Variants in UNC13C observed in about 807,000 individuals in gnomAD.
UNC13C encodes the protein unc-13 homolog C, also known as protein unc-13 homolog C.
In UNC13C, 174 loss-of-function variants were observed where a neutral mutation model predicts 245.4. The ratio of observed to expected loss-of-function variants is 0.71; its 90% CI spans 0.63 to 0.80. UNC13C has a LOEUF of 0.80. UNC13C is among the 30% of genes least tolerant of loss of function. The pLI, the probability that UNC13C is intolerant of heterozygous loss-of-function variation, is 0.00. For missense variants in UNC13C, 2,829 were observed against 2,602.9 expected (o/e 1.09, Z -1.89); for synonymous variants, 992 against 895.1 (o/e 1.11, Z -1.93).
chr15:54,047,694 T>C (rs1490126874), intron 2 of UNC13C, among the ~76,000 whole-genome samples: 11 of 152,336 alleles, frequency 7.2e-5, no homozygotes, highest in African/African-American at 2.6e-4. Flanking sequence ...CAAGTAATGC[T>C]GCTGTGAACT....
At chr15:54,461,645 G>A (rs954288861) in intron 19 of UNC13C, among the ~76,000 whole-genome samples, 3 of 152,104 alleles carry the variant, frequency 2.0e-5, no homozygotes, top group Non-Finnish European at 2.9e-5. Flanking sequence ...AGAAGAGAAA[G>A]TACACAATTG....
chr15:54,256,816 TATTA>T (rs2036290891), intron 8 of UNC13C, among the ~76,000 whole-genome samples: 1 of 152,194 alleles, frequency 6.6e-6, no homozygotes, highest in South Asian at 2.1e-4. Context: ...CAACCACTCA[TATTA>T]ATTAGGAAAG....
intron 32 of UNC13C, 54 bp from the exon 33 acceptor site, chr15:54,626,774 A>T: frequency 6.8e-7 from 1 of 1,480,326 alleles, no homozygotes; most frequent in Non-Finnish European, 9.2e-7. Context: ...AACCATAATG[A>T]TGCCTAGTGG....
intron 19 of UNC13C, among the ~76,000 whole-genome samples, chr15:54,473,214 T>G (rs1435779646): frequency 7.5e-6 from 1 of 133,290 alleles, no homozygotes; most frequent in Non-Finnish European, 1.7e-5. Context: ...ATTTATTTTA[T>G]TTTATTTTAT....
intron 22 of UNC13C, among the ~76,000 whole-genome samples, chr15:54,502,592 T>C (rs1319509018): frequency 6.6e-6 from 1 of 152,064 alleles, no homozygotes. Context: ...TGAGCAGCTG[T>C]GTTTGGGTGA....
At chr15:54,571,141 T>C (rs1046845648) in intron 30 of UNC13C, among the ~76,000 whole-genome samples, 7 of 152,186 alleles carry the variant, frequency 4.6e-5, no homozygotes, top group Non-Finnish European at 1.0e-4. Flanking sequence ...GTTTCCAGTG[T>C]ATATTAGTCC....
chr15:54,204,270 TC>T (rs1458014775), intron 4 of UNC13C, among the ~76,000 whole-genome samples: 2 of 131,578 alleles, frequency 1.5e-5, no homozygotes, highest in African/African-American at 5.6e-5. Flanking sequence ...CACCACTTGT[TC>T]CCAAAAACCT....
chr15:54,203,723 TATATACAC>T (rs1567094706), intron 4 of UNC13C, among the ~76,000 whole-genome samples: 2 of 140,342 alleles, frequency 1.4e-5, no homozygotes, highest in East Asian at 4.3e-4. Context: ...TATACACACA[TATATACAC>T]ATATACATAT....
chr15:54,218,195 C>A (rs76798734), intron 4 of UNC13C, among the ~76,000 whole-genome samples: 1,622 of 152,048 alleles, frequency 0.011, 27 homozygotes, highest in African/African-American at 0.037. Flanking sequence ...GGACATCCTC[C>A]TGTCAGTAAC....
intron 10 of UNC13C, among the ~76,000 whole-genome samples, chr15:54,270,150 A>G (rs767284158): frequency 3.9e-5 from 6 of 152,140 alleles, no homozygotes; most frequent in Non-Finnish European, 7.4e-5. Flanking sequence ...GCATGTTTTC[A>G]TTTATCATAA....
chr15:54,596,349 G>A (rs1050098783), intron 30 of UNC13C, among the ~76,000 whole-genome samples: 1 of 152,032 alleles, frequency 6.6e-6, no homozygotes, highest in Non-Finnish European at 1.5e-5. Context: ...CGCAAGGAAG[G>A]TGACTATGGA....
rs150536176 is a variant in UNC13C at position 54,198,629 on chromosome 15, C to T, written c.3072-36401C>T. Reference sequence around the variant, plus strand: ...AACAAAAACAATCACTATAGTTTGGCTCTCAGGAAGCCCCTCTCCTAGGGG... The same window carrying T: ...AACAAAAACAATCACTATAGTTTGGTTCTCAGGAAGCCCCTCTCCTAGGGG... On this transcript the variant is annotated intron_variant, in intron 4 of 32. Transcript: ENST00000260323. Among the ~76,000 whole-genome samples the T allele has an allele frequency of 6.3e-3, 952 of 152,222 alleles. 17 individuals carry two copies. Among genetic ancestry groups the T allele is most frequent in the Non-Finnish European group, 6.7e-3 (459 of 68,000 alleles).
At chr15:54,455,197 CTCTCTCTCTATATATA>C (rs1289955559) in intron 19 of UNC13C, among the ~76,000 whole-genome samples, 39 of 43,918 alleles carry the variant, frequency 8.9e-4, no homozygotes, top group African/African-American at 2.2e-3. Flanking sequence ...CTCTCTCTCT[CTCTCTCTCTATATATA>C]TATATATATA....
chr15:54,420,008 T>C (rs151035716), intron 19 of UNC13C, among the ~76,000 whole-genome samples: 1 of 152,070 alleles, frequency 6.6e-6, no homozygotes, highest in Non-Finnish European at 1.5e-5. Flanking sequence ...TAGTTAATTG[T>C]TTTAGTAGCT....
chr15:54,057,161 C>G (rs1897568107), intron 2 of UNC13C, among the ~76,000 whole-genome samples: 1 of 152,184 alleles, frequency 6.6e-6, no homozygotes, highest in Non-Finnish European at 1.5e-5. Context: ...AAGGCACAGA[C>G]TGGCAAATTG....
chr15:54,251,384 G>T (rs180811343), intron 8 of UNC13C, among the ~76,000 whole-genome samples: 155 of 152,260 alleles, frequency 1.0e-3, no homozygotes, highest in African/African-American at 3.6e-3. Flanking sequence ...ACCTTAGAGG[G>T]TTATTGGAAA....
At chr15:54,526,072 C>T (rs1279289797) in intron 25 of UNC13C, among the ~76,000 whole-genome samples, 1 of 152,120 alleles carries the variant, frequency 6.6e-6, no homozygotes, top group Non-Finnish European at 1.5e-5. Flanking sequence ...TGGTTGCCGT[C>T]AGTATAGCTG....
chr15:54,551,801 C>T (rs1268388415), intron 28 of UNC13C, among the ~76,000 whole-genome samples: 1 of 151,604 alleles, frequency 6.6e-6, no homozygotes, highest in Admixed American at 6.6e-5. Flanking sequence ...TTAGTTATTA[C>T]TATTTGAATT....
At chr15:53,974,623 A>G (rs1435817673), upstream of UNC13C, among the ~76,000 whole-genome samples, 1 of 152,230 alleles carries the variant, frequency 6.6e-6, no homozygotes, top group Non-Finnish European at 1.5e-5. Flanking sequence ...TACAGCATCC[A>G]TATCTTGTGA....
Sources: gnomAD v4.1 joint callset for allele counts (sites outside exome capture counted in the v4.1 genomes callset) on GRCh38, gnomAD v4.1.1 for gene constraint, MANE v1.5 for transcripts, NCBI Gene and HGNC (gene_info 2026-07-23, HGNC 2026-07-21) for gene names.